The following KIAA1217 variants were observed in gnomAD, a reference collection of about 807,000 sequenced individuals.
KIAA1217 encodes sickle tail protein homolog.
KIAA1217 carries 88 observed loss-of-function variants against 163.9 expected under a neutral mutation model. That is an observed-to-expected ratio of 0.54 (90% CI 0.45 to 0.64). The LOEUF (loss-of-function observed/expected upper bound fraction) is 0.64. Ranked by LOEUF, KIAA1217 falls within the 30% of genes least tolerant of loss-of-function variation. KIAA1217 has a pLI of 0.00. For missense variants in KIAA1217, 2,372 were observed against 2,475.0 expected, an observed-to-expected ratio of 0.96 and a Z score of 0.88; for synonymous variants, 903 against 923.1, an observed-to-expected ratio of 0.98 and a Z score of 0.39.
chr10:23,746,255 A>G (rs1839410591), intron 1 of KIAA1217, among the ~76,000 whole-genome samples: 1 of 152,084 alleles, frequency 6.6e-6, no homozygotes, highest in African/African-American at 2.4e-5. Flanking sequence ...TCACCATGTG[A>G]TCTTTGCACA....
chr10:24,381,164 A>G (rs2053243197), intron 3 of KIAA1217, 97 bp downstream of exon 3: 1 of 941,484 alleles, frequency 1.1e-6, no homozygotes, highest in Non-Finnish European at 1.5e-6. Context: ...CATTAATTTG[A>G]TCTTGATTTG....
intron 14 of KIAA1217, among the ~76,000 whole-genome samples, chr10:24,529,543 G>A (rs1019830150): frequency 5.3e-5 from 8 of 151,768 alleles, no homozygotes; most frequent in African/African-American, 1.9e-4. Context: ...CACAGATGTG[G>A]AACCCATGGA....
chr10:24,083,493 C>T (rs188993488), intron 2 of KIAA1217, among the ~76,000 whole-genome samples: 42 of 152,270 alleles, frequency 2.8e-4, no homozygotes, highest in South Asian at 6.2e-4. Context: ...GCTTGCTAGC[C>T]TTGTGGCTTA....
intron 1 of KIAA1217, among the ~76,000 whole-genome samples, chr10:23,986,444 T>G (rs1331273323): frequency 2.0e-5 from 3 of 152,250 alleles, no homozygotes. Flanking sequence ...GCATATAACC[T>G]ATGCATGTCA....
chr10:24,503,764 A>G (rs1231125390), intron 9 of KIAA1217, among the ~76,000 whole-genome samples: 1 of 152,246 alleles, frequency 6.6e-6, no homozygotes, highest in African/African-American at 2.4e-5. Flanking sequence ...TCGGCTCCCA[A>G]GTTCGTTCTT....
chr10:24,096,380 T>A (rs912919773), intron 2 of KIAA1217, among the ~76,000 whole-genome samples: 1 of 152,148 alleles, frequency 6.6e-6, no homozygotes, highest in Non-Finnish European at 1.5e-5. Context: ...TGCCACCACC[T>A]CTTATCTGCA....
rs574943793 is a variant in KIAA1217, at chr10:24,466,720, C to A, written c.847-6508C>A. 288 of 985,408 alleles carry A rather than the reference C, an allele frequency of 2.9e-4. 1 individual carries two copies. In the African/African-American group the frequency reaches 4.7e-3, roughly 16 times the overall value. 61.0% of individuals were successfully genotyped at this position (985,408 alleles called of 1,614,324 possible). A position where few individuals can be genotyped will look rare whatever the true frequency, so the allele number is the denominator to read the frequency against. ...AGATGAAGCCAGCAAACAAAGGAAT[C>A]ATGTAATCAGGACCTGAGCGAATGT... is the stretch of plus-strand genomic sequence containing the variant. On this transcript the variant is annotated intron_variant, in intron 5 of 20. Transcript: ENST00000376454.
intron 6 of KIAA1217, among the ~76,000 whole-genome samples, chr10:24,483,448 C>T (rs973452533): frequency 3.3e-5 from 5 of 152,198 alleles, no homozygotes; most frequent in African/African-American, 1.2e-4. Flanking sequence ...GCTCAGGACT[C>T]GCCGTGGCCC....
intron 1 of KIAA1217, among the ~76,000 whole-genome samples, chr10:23,844,588 T>C (rs1475759837): frequency 2.0e-5 from 3 of 152,180 alleles, no homozygotes; most frequent in Admixed American, 1.3e-4. Flanking sequence ...AATTTCAAGA[T>C]ACCATATTCT....
At chr10:24,536,064 C>G (rs1415271364) in intron 16 of KIAA1217, among the ~76,000 whole-genome samples, 4 of 152,124 alleles carry the variant, frequency 2.6e-5, no homozygotes, top group Non-Finnish European at 5.9e-5. Flanking sequence ...TGCCCGCTTC[C>G]TTTTTAGCCC....
At chr10:24,389,315 A>G (rs952807438) in intron 3 of KIAA1217, among the ~76,000 whole-genome samples, 25 of 151,664 alleles carry the variant, frequency 1.6e-4, no homozygotes, top group African/African-American at 5.8e-4. Context: ...AAAACCAAAC[A>G]CCACATGTTC....
chr10:24,058,610 T>G (rs1371776153), intron 2 of KIAA1217, among the ~76,000 whole-genome samples: 2 of 144,948 alleles, frequency 1.4e-5, no homozygotes, highest in African/African-American at 5.8e-5. Flanking sequence ...CCTTCACCTC[T>G]TAAGTTTATT....
chr10:24,024,505 T>C (rs1262057775), intron 2 of KIAA1217, among the ~76,000 whole-genome samples: 1 of 151,802 alleles, frequency 6.6e-6, no homozygotes, highest in East Asian at 1.9e-4. Context: ...GATTTAAGGC[T>C]TTGTAAATAT....
chr10:24,482,239 T>A (rs1256765011), intron 6 of KIAA1217: 1 of 152,206 alleles, frequency 6.6e-6, no homozygotes, highest in African/African-American at 2.4e-5. Context: ...GCGTCGTCTG[T>A]CACTAATTAG....
At chr10:23,745,210 G>A (rs1055710788) in intron 1 of KIAA1217, among the ~76,000 whole-genome samples, 4 of 152,194 alleles carry the variant, frequency 2.6e-5, no homozygotes, top group East Asian at 3.9e-4. Context: ...TTTCCATGTC[G>A]ATGTATCCCC....
At chr10:24,409,591 T>G (rs2057554175) in intron 3 of KIAA1217, among the ~76,000 whole-genome samples, 1 of 152,222 alleles carries the variant, frequency 6.6e-6, no homozygotes. Flanking sequence ...GTGTGCAGTT[T>G]TTTAAAATTT....
chr10:24,366,966 T>A (rs2050874187), intron 2 of KIAA1217, among the ~76,000 whole-genome samples: 1 of 152,228 alleles, frequency 6.6e-6, no homozygotes, highest in South Asian at 2.1e-4. Context: ...GGAACTGTCA[T>A]CATTTTTCTT....
intron 2 of KIAA1217, among the ~76,000 whole-genome samples, chr10:24,082,804 C>A (rs1453017016): frequency 6.6e-6 from 1 of 152,146 alleles, no homozygotes; most frequent in Non-Finnish European, 1.5e-5. Flanking sequence ...GGTTCTAAAT[C>A]TTTGGGGAAT....
intron 1 of KIAA1217, among the ~76,000 whole-genome samples, chr10:23,791,717 A>T (rs943667822): frequency 1.3e-5 from 2 of 152,234 alleles, no homozygotes; most frequent in Admixed American, 6.5e-5. Context: ...TCTCCTAGGA[A>T]GTAACATATT....
Sources: gnomAD v4.1 joint callset for allele counts (sites outside exome capture counted in the v4.1 genomes callset) on GRCh38, gnomAD v4.1.1 for gene constraint, MANE v1.5 for transcripts, NCBI Gene and HGNC (gene_info 2026-07-23, HGNC 2026-07-21) for gene names.